The following SPATA31E1 variants were observed in gnomAD, a reference collection of about 807,000 sequenced individuals.
SPATA31E1 encodes spermatogenesis-associated protein 31E1.
In SPATA31E1, 7 loss-of-function variants were observed where a neutral mutation model predicts 12.9. That is an observed-to-expected ratio of 0.54 (90% CI 0.31 to 1.02). SPATA31E1 has a LOEUF of 1.02. Ranked by LOEUF, SPATA31E1 falls within the 50% of genes least tolerant of loss-of-function variation. SPATA31E1 has a pLI of 0.05. For missense variants in SPATA31E1, 1,961 were observed against 1,799.8 expected, an observed-to-expected ratio of 1.09 and a Z score of -1.62; for synonymous variants, 771 against 719.0, an observed-to-expected ratio of 1.07 and a Z score of -1.16.
At position 87,887,573 on chromosome 9, in the gene SPATA31E1, C is replaced by T. The variant is rs1448099951; in HGVS notation, c.3086C>T (p.Ala1029Val). The change falls in exon 4 of 4, where the codon GCT (alanine) becomes GTT (valine). Residue 1029 changes from alanine to valine, a missense_variant. Transcript: ENST00000325643. ...AGCATAGGGTCCCAGTGGGCAAGGG[C>T]TGAAGATGCCCTGCAGGCACTGAAA... ...VLSIGSQWARAEDALQALKVG... is the reference protein window; with the variant it reads ...VLSIGSQWARVEDALQALKVG... 1.2e-6 allele frequency: 2 copies of T among 1,614,160 alleles called. No homozygotes were observed. Among genetic ancestry groups the T allele is most frequent in the Middle Eastern group, 1.6e-4 (1 of 6,062 alleles).
chr9:87,886,091 G>T lies in SPATA31E1; in HGVS notation c.1604G>T (p.Gly535Val), dbSNP rs1257632988. The T allele has an allele frequency of 6.2e-7, 1 of 1,607,844 alleles. No homozygotes were observed. Among genetic ancestry groups the T allele is most frequent in the African/African-American group, 1.3e-5 (1 of 74,880 alleles). Reference protein sequence around the residue: ...AHLSPPVPSLGCSSPPQIRGC... With the variant: ...AHLSPPVPSLVCSSPPQIRGC... ...CTCTCACCCCCTGTCCCAAGCCTGG[G>T]GTGCTCTTCTCCACCCCAGATTAGG... The change falls in exon 4 of 4, where the codon GGG (glycine) becomes GTG (valine). Residue 535 changes from glycine (G) to valine (V), a missense_variant. Transcript: ENST00000325643.
Position 87,883,160 on chromosome 9 carries a change from C to A in SPATA31E1, c.269C>A (p.Pro90Gln). The change falls in exon 1 of 4, where the codon CCA (proline) becomes CAA (glutamine). Residue 90 changes from proline (P) to glutamine (Q), a missense_variant. Pro to Gln is a moderately conservative substitution (Grantham distance 76). Transcript: ENST00000325643. ...TTGCTCCTCTACGTCCACAGTGACCCACCCTCACCCCCGCCCGGGAGGAAG... is the reference window on the plus strand; with the variant it reads ...TTGCTCCTCTACGTCCACAGTGACCAACCCTCACCCCCGCCCGGGAGGAAG... Reference protein sequence around the residue: ...FLLLLYVHSDPPSPPPGRKRS... With the variant: ...FLLLLYVHSDQPSPPPGRKRS... 1 of 1,589,052 alleles carries A rather than the reference C, an allele frequency of 6.3e-7. No individual in the cohort carries two copies. Among genetic ancestry groups the A allele is most frequent in the Admixed American group, 1.7e-5 (1 of 58,034 alleles).
rs33991492 is a variant in SPATA31E1 at position 87,888,127 on chromosome 9, G to A, written c.3640G>A (p.Glu1214Lys). 29,977 of 1,607,854 alleles carry A rather than the reference G, an allele frequency of 0.019. 540 individuals are homozygous for A. The highest frequency in any genetic ancestry group is 0.083 in the East Asian group (3,699 of 44,582). Reference protein sequence around the residue: ...GEAHRRPRTGEQGHRSKGPRT... With the variant: ...GEAHRRPRTGKQGHRSKGPRT... ...GGCCCACAGGAGGCCCAGAACAGGG[G>A]AGCAGGGACACAGGTCCAAGGGACC... Residue 1214 changes from glutamate to lysine, a missense_variant, in exon 4 of 4, where the codon GAG becomes AAG. Coordinates refer to ENST00000325643, the MANE Select transcript of SPATA31E1 (RefSeq NM_178828.5).
Position 87,887,360 on chromosome 9 carries a change from G to A in SPATA31E1, c.2873G>A (p.Cys958Tyr), listed in dbSNP as rs142679185. ...AFPTGHKGRG[C>Y]SQPPTCSLVG... ...CCGACTGGACACAAGGGCAGGGGGT[G>A]TTCTCAGCCCCCAACATGCAGCCTT... Residue 958 changes from cysteine to tyrosine, a missense_variant, in exon 4 of 4, where the codon TGT becomes TAT. Cys to Tyr is a radical substitution (Grantham distance 194). Transcript: ENST00000325643. The A allele has an allele frequency of 5.6e-6, 9 of 1,613,690 alleles. No homozygotes were observed. Among genetic ancestry groups the A allele is most frequent in the African/African-American group, 1.3e-5 (1 of 74,898 alleles).
chr9:87,888,613 G>T lies in SPATA31E1; in HGVS notation c.4126G>T (p.Ala1376Ser). 2 of 1,614,058 alleles carry T rather than the reference G, an allele frequency of 1.2e-6. No homozygotes were observed. The highest frequency in any genetic ancestry group is 2.2e-5 in the South Asian group (2 of 91,062). Residue 1376 changes from alanine to serine, a missense_variant, in exon 4 of 4, where the codon GCC (alanine) becomes TCC (serine). By Grantham distance (99) the Ala-to-Ser change is moderately conservative. Coordinates refer to ENST00000325643, the MANE Select transcript of SPATA31E1 (RefSeq NM_178828.5). ...ACGTAGCAGAGAGATGAGAGCTCTG[G>T]CCTGCAGCCCTAAAGCCACCCCCAA... ...QERSREMRALACSPKATPKGH... is the reference protein window; with the variant it reads ...QERSREMRALSCSPKATPKGH...
In SPATA31E1 at chr9:87,886,302, C is replaced by T; in HGVS notation, c.1815C>T (p.Ala605=). 1 of 1,613,728 alleles carries T rather than the reference C, an allele frequency of 6.2e-7. No homozygotes were observed. Among genetic ancestry groups the T allele is most frequent in the Non-Finnish European group, 8.5e-7 (1 of 1,180,020 alleles). Residue 605 remains alanine, a synonymous_variant, in exon 4 of 4, where the codon GCC becomes GCT. Transcript: ENST00000325643. ...PTAHLPQERP[A]SWSPKSAPIL... Reference sequence around the variant, plus strand: ...CCCACCTTCCCCAAGAGAGGCCGGCCTCCTGGAGCCCCAAGTCAGCCCCCA... The same window carrying T: ...CCCACCTTCCCCAAGAGAGGCCGGCTTCCTGGAGCCCCAAGTCAGCCCCCA...
Position 87,887,196 on chromosome 9 carries a change from A to C in SPATA31E1, c.2709A>C (p.Pro903=). ...IFLGKRPQNG[P]GDNRTTSKSV... ...TGGGAAAACGTCCTCAGAATGGTCC[A>C]GGAGACAACAGAACAACAAGCAAGT... Residue 903 remains proline, a synonymous_variant, in exon 4 of 4, where the codon CCA becomes CCC. Coordinates refer to ENST00000325643, the MANE Select transcript of SPATA31E1 (RefSeq NM_178828.5). The C allele has an allele frequency of 6.2e-7, 1 of 1,614,136 alleles. No individual in the cohort carries two copies. Among genetic ancestry groups the C allele is most frequent in the Non-Finnish European group, 8.5e-7 (1 of 1,180,042 alleles).
chr9:87,883,294 G>T (rs1828202278), intron 1 of SPATA31E1, 94 bp downstream of exon 1: 1 of 1,489,040 alleles, frequency 6.7e-7, no homozygotes, highest in African/African-American at 1.4e-5. Context: ...AGACCCTTCT[G>T]TGATGGGAAA....
chr9:87,888,153 C>T lies in SPATA31E1; in HGVS notation c.3666C>T (p.Pro1222=), dbSNP rs765720913. 2 of 1,611,834 alleles carry T rather than the reference C, an allele frequency of 1.2e-6. No homozygotes were observed. The highest frequency in any genetic ancestry group is 1.7e-5 in the Admixed American group (1 of 59,720). ...TGEQGHRSKG[P]RTSEASGRSH... The stretch of plus-strand genomic sequence containing the variant: ...AGCAGGGACACAGGTCCAAGGGACC[C>T]AGGACCTCTGAAGCCAGTGGGAGGA... The change falls in exon 4 of 4, where the codon CCC becomes CCT. Residue 1222 remains proline (P), a synonymous_variant. Transcript: ENST00000325643.
intron 1 of SPATA31E1, among the ~76,000 whole-genome samples, chr9:87,883,498 C>G (rs886787014): frequency 2.0e-5 from 3 of 152,166 alleles, no homozygotes; most frequent in Admixed American, 1.3e-4. Context: ...CTCATCACCC[C>G]CTTCCTGGGG....
In SPATA31E1 at chr9:87,885,778, C is replaced by T; in HGVS notation, c.1291C>T (p.His431Tyr). The change falls in exon 4 of 4, where the codon CAC (histidine) becomes TAC (tyrosine). Residue 431 changes from histidine to tyrosine, a missense_variant. By Grantham distance (83) the His-to-Tyr change is moderately conservative. Coordinates refer to ENST00000325643, the MANE Select transcript of SPATA31E1 (RefSeq NM_178828.5). ...CTCTGATGCCACAACCGTGGGGAAC[C>T]ACTTACAGCAGAAACGCAGCCAGCT... Reference protein sequence around the residue: ...QVSDATTVGNHLQQKRSQLFW... With the variant: ...QVSDATTVGNYLQQKRSQLFW... 1 of 1,614,026 alleles carries T rather than the reference C, an allele frequency of 6.2e-7. No homozygotes were observed. Among genetic ancestry groups the T allele is most frequent in the Non-Finnish European group, 8.5e-7 (1 of 1,180,038 alleles).
In SPATA31E1 at chr9:87,888,687, C is replaced by A. The variant is rs1273967926; in HGVS notation, c.4200C>A (p.Ser1400Arg). 6.2e-7 allele frequency: 1 copy of A among 1,614,046 alleles called. No homozygotes were observed. The highest frequency in any genetic ancestry group is 1.3e-5 in the African/African-American group (1 of 75,054). Residue 1400 changes from serine (S) to arginine (R), a missense_variant, in exon 4 of 4, where the codon AGC (serine) becomes AGA (arginine). Coordinates refer to ENST00000325643, the MANE Select transcript of SPATA31E1 (RefSeq NM_178828.5). ...ACAGGGGCATCAGAGACAGAGACAG[C>A]AGTTGGGCCCCACCTCCCAGGGAGC... ...VKNRGIRDRD[S>R]SWAPPPREPV...
In SPATA31E1 at chr9:87,887,041, C is replaced by T; in HGVS notation, c.2554C>T (p.Leu852Phe). The change falls in exon 4 of 4, where the codon CTC becomes TTC. Residue 852 changes from leucine (L) to phenylalanine (F), a missense_variant. Physicochemically the swap from Leu to Phe is conservative, Grantham distance 22 (BLOSUM62 0). Coordinates refer to ENST00000325643, the MANE Select transcript of SPATA31E1 (RefSeq NM_178828.5). Reference protein sequence around the residue: ...FCVRHSWGTDLQSLEPINVWS... With the variant: ...FCVRHSWGTDFQSLEPINVWS... Reference sequence around the variant, plus strand: ...TGTGAGGCACAGCTGGGGTACAGACCTCCAGTCCCTGGAGCCCATAAATGT... The same window carrying T: ...TGTGAGGCACAGCTGGGGTACAGACTTCCAGTCCCTGGAGCCCATAAATGT... 1 of 1,614,068 alleles carries T rather than the reference C, an allele frequency of 6.2e-7. No individual in the cohort carries two copies. Among genetic ancestry groups the T allele is most frequent in the East Asian group, 2.2e-5 (1 of 44,860 alleles).
At chr9:87,883,331 A>T in intron 1 of SPATA31E1, 131 bp downstream of exon 1, 2 of 1,229,000 alleles carry the variant, frequency 1.6e-6, no homozygotes, top group Non-Finnish European at 2.3e-6. Flanking sequence ...GGGAAGGGCA[A>T]GGCAGGCAGG....
At position 87,885,819 on chromosome 9, in the gene SPATA31E1, C is replaced by T. The variant is rs759304352; in HGVS notation, c.1332C>T (p.Pro444=). 137 of 1,613,812 alleles carry T rather than the reference C, an allele frequency of 8.5e-5. No individual in the cohort carries two copies. The highest frequency in any genetic ancestry group is 1.1e-4 in the Non-Finnish European group (134 of 1,180,050). Residue 444 remains proline, a synonymous_variant, in exon 4 of 4, where the codon CCC becomes CCT. Transcript: ENST00000325643. ...GCAGCCAGCTTTTCTGGGACCTCCC[C>T]TCTCTCAATAGCGAGTCCCTGGCGA... ...QKRSQLFWDL[P]SLNSESLATT...
In SPATA31E1 at chr9:87,888,700, C is replaced by T. The variant is rs2117898983; in HGVS notation, c.4213C>T (p.Pro1405Ser). Reference sequence around the variant, plus strand: ...AGACAGAGACAGCAGTTGGGCCCCACCTCCCAGGGAGCCTGTGTCCCCAGC... The same window carrying T: ...AGACAGAGACAGCAGTTGGGCCCCATCTCCCAGGGAGCCTGTGTCCCCAGC... ...IRDRDSSWAP[P>S]PREPVSPAGP... The change falls in exon 4 of 4, where the codon CCT becomes TCT. Residue 1405 changes from proline (P) to serine (S), a missense_variant. Coordinates refer to ENST00000325643, the MANE Select transcript of SPATA31E1 (RefSeq NM_178828.5). The T allele has an allele frequency of 6.2e-7, 1 of 1,613,960 alleles. No homozygotes were observed. Among genetic ancestry groups the T allele is most frequent in the Non-Finnish European group, 8.5e-7 (1 of 1,179,982 alleles).
Position 87,886,694 on chromosome 9 carries a change from C to G in SPATA31E1, c.2207C>G (p.Ala736Gly), listed in dbSNP as rs34791830. 3.1e-6 allele frequency: 5 copies of G among 1,613,724 alleles called. No individual in the cohort carries two copies. The East Asian group carries it at 6.7e-5, about 22-fold the overall frequency. ...AAGGCTCTGGACGAAGACAAGGAGG[C>G]AGAAGGTGACTTACGGAGGTCCTGG... ...SVKALDEDKE[A>G]EGDLRRSWKY... The change falls in exon 4 of 4, where the codon GCA becomes GGA. Residue 736 changes from alanine (A) to glycine (G), a missense_variant. By Grantham distance (60) the Ala-to-Gly change is moderately conservative. Coordinates refer to ENST00000325643, the MANE Select transcript of SPATA31E1 (RefSeq NM_178828.5).
At chr9:87,884,514 A>G in intron 2 of SPATA31E1, 77 bp from the exon 3 acceptor site, 2 of 1,506,526 alleles carry the variant, frequency 1.3e-6, no homozygotes, top group Non-Finnish European at 1.8e-6. Flanking sequence ...GGTGTCCCCT[A>G]AAAAGACATC....
intron 2 of SPATA31E1, 42 bp from the exon 3 acceptor site, chr9:87,884,549 G>A (rs769846206): frequency 1.2e-6 from 2 of 1,611,966 alleles, no homozygotes; most frequent in South Asian, 1.1e-5. Context: ...GAGGTTCCCA[G>A]GCACCGCCCT....
Sources: gnomAD v4.1 joint callset for allele counts (sites outside exome capture counted in the v4.1 genomes callset) on GRCh38, gnomAD v4.1.1 for gene constraint, MANE v1.5 for transcripts, NCBI Gene and HGNC (gene_info 2026-07-23, HGNC 2026-07-21) for gene names.